SNTG2: variants seen among roughly 807,000 people sequenced by gnomAD.
SNTG2 encodes the protein gamma-2-syntrophin.
In SNTG2, 74 loss-of-function variants were observed where a neutral mutation model predicts 70.9. The observed-to-expected ratio is 1.04, with a 90% CI of 0.86 to 1.27. SNTG2 has a LOEUF of 1.27. Ranked by LOEUF, SNTG2 falls within the 50% of genes most tolerant of loss-of-function variation. SNTG2 has a pLI of 0.00. For synonymous variants in SNTG2, 278 were observed against 273.8 expected, an observed-to-expected ratio of 1.02 and a Z score of -0.15; for missense variants, 717 against 690.7, an observed-to-expected ratio of 1.04 and a Z score of -0.43.
At chr2:1,169,583 G>A (rs969246869) in intron 7 of SNTG2, among the ~76,000 whole-genome samples, 2 of 152,188 alleles carry the variant, frequency 1.3e-5, no homozygotes, top group African/African-American at 4.8e-5. Context: ...TCTAGTGCCT[G>A]AGCCTGTGGG....
At chr2:1,238,139 T>C (rs928642855) in intron 10 of SNTG2, 122 bp downstream of exon 10, 4 of 1,281,698 alleles carry the variant, frequency 3.1e-6, no homozygotes, top group Admixed American at 4.7e-5. Context: ...CTTGTTTCAA[T>C]GTGTCAAATC....
intron 8 of SNTG2, among the ~76,000 whole-genome samples, chr2:1,184,256 GC>G (rs1672110842): frequency 1.3e-5 from 2 of 152,104 alleles, no homozygotes; most frequent in African/African-American, 4.8e-5. Flanking sequence ...TTTAATTTAG[GC>G]CCCAAGTTAT....
chr2:1,083,738 G>A (rs1664500229), intron 2 of SNTG2, 83 bp downstream of exon 2: 1 of 1,494,286 alleles, frequency 6.7e-7, no homozygotes, highest in East Asian at 2.3e-5. Flanking sequence ...GTTCAAGAAT[G>A]ATTGCTGAGC....
chr2:1,239,656 C>T (rs866925361), intron 10 of SNTG2, 82 bp from the exon 11 acceptor site: 2 of 1,454,750 alleles, frequency 1.4e-6, no homozygotes, highest in African/African-American at 1.4e-5. Flanking sequence ...CAGAGCGTGG[C>T]TGATGACTTC....
intron 9 of SNTG2, among the ~76,000 whole-genome samples, chr2:1,216,948 TG>T (rs1657742576): frequency 6.6e-6 from 1 of 152,142 alleles, no homozygotes; most frequent in South Asian, 2.1e-4. Context: ...CCTGCTGCCA[TG>T]TGAAAAAGGG....
intron 11 of SNTG2, among the ~76,000 whole-genome samples, chr2:1,240,430 T>G (rs1275744673): frequency 6.6e-6 from 1 of 152,250 alleles, no homozygotes; most frequent in Non-Finnish European, 1.5e-5. Context: ...TTTAAGCCAC[T>G]GTGTTATTCT....
At chr2:1,111,054 A>G (rs1006800909) in intron 4 of SNTG2, among the ~76,000 whole-genome samples, 8 of 152,234 alleles carry the variant, frequency 5.3e-5, no homozygotes, top group African/African-American at 1.4e-4. Flanking sequence ...AGCTTTCCGT[A>G]AGAATGAAGG....
intron 9 of SNTG2, among the ~76,000 whole-genome samples, chr2:1,225,719 C>G (rs1208846942): frequency 6.6e-6 from 1 of 152,242 alleles, no homozygotes; most frequent in African/African-American, 2.4e-5. Context: ...TAAGCACCGT[C>G]TGGACTAAGA....
chr2:1,023,062 A>G (rs1660281489), intron 1 of SNTG2, among the ~76,000 whole-genome samples: 1 of 152,220 alleles, frequency 6.6e-6, no homozygotes, highest in African/African-American at 2.4e-5. Flanking sequence ...GACACCAGGA[A>G]AGAGGATTTT....
intron 1 of SNTG2, among the ~76,000 whole-genome samples, chr2:956,044 C>CCCCTGCCCCTGCCCCTACCCCTGA (rs1211648387): frequency 7.5e-6 from 1 of 134,148 alleles, no homozygotes; most frequent in Non-Finnish European, 1.5e-5. Flanking sequence ...CCTGCCCCTG[C>CCCCTGCCCCTGCCCCTACCCCTGA]CCCTGCCCCT....
At position 1,308,684 on chromosome 2, in the gene SNTG2, A is replaced by C. The variant is rs13418089; in HGVS notation, c.1377+98A>C. 3,528 of 995,214 alleles carry C rather than the reference A, an allele frequency of 3.5e-3. 74 individuals carry two copies. The African/African-American group carries it at 0.046, about 13-fold the overall frequency. The allele number at this position is 995,214 out of a possible 1,614,324, so 61.6% of individuals were successfully genotyped here. A position where few individuals can be genotyped will look rare whatever the true frequency, so the allele number is the denominator to read the frequency against. On this transcript the variant is annotated intron_variant, in intron 15 of 16. Transcript: ENST00000308624. ...CACGCATGTCTGGTAGAAGCCACCA[A>C]CCTTGCTGGATTGTGTATCGTGCAG...
intron 4 of SNTG2, among the ~76,000 whole-genome samples, chr2:1,126,129 A>G (rs1247271039): frequency 2.0e-5 from 3 of 152,174 alleles, no homozygotes; most frequent in Non-Finnish European, 4.4e-5. Flanking sequence ...CCTTAAAAAA[A>G]TCTCTCCACA....
In SNTG2 at chr2:1,247,418, C is replaced by A. The variant is rs1377283791; in HGVS notation, c.980C>A (p.Ser327Tyr). Residue 327 changes from serine (S) to tyrosine (Y), a missense_variant, in exon 12 of 17, where the codon TCC (serine) becomes TAC (tyrosine). Coordinates refer to ENST00000308624, the MANE Select transcript of SNTG2 (RefSeq NM_018968.4). Reference protein sequence around the residue: ...RPKFLALKGPSFYVFSTPPVS... With the variant: ...RPKFLALKGPYFYVFSTPPVS... ...AAGTTCCTAGCACTGAAGGGCCCGT[C>A]CTTCTACGTTTTCAGCACTCCTCCG... The A allele has an allele frequency of 6.2e-7, 1 of 1,613,574 alleles. No homozygotes were observed. Among genetic ancestry groups the A allele is most frequent in the African/African-American group, 1.3e-5 (1 of 74,928 alleles).
In SNTG2 at chr2:998,105, G is replaced by A. The variant is rs184976478; in HGVS notation, c.72+47037G>A. Among the ~76,000 whole-genome samples the A allele has an allele frequency of 3.1e-3, 476 of 152,224 alleles. 3 individuals carry two copies. Among genetic ancestry groups the A allele is most frequent in the Middle Eastern group, 0.014 (4 of 294 alleles). ...GCCATTGAAGGCACCTAAAAAGCCAGATGACTCTACACAACATACATTATA... is the reference window on the plus strand; with the variant it reads ...GCCATTGAAGGCACCTAAAAAGCCAAATGACTCTACACAACATACATTATA... On this transcript the variant is annotated intron_variant, in intron 1 of 16. Transcript: ENST00000308624.
At chr2:1,144,353 A>G (rs1246397187) in intron 6 of SNTG2, among the ~76,000 whole-genome samples, 1 of 152,214 alleles carries the variant, frequency 6.6e-6, no homozygotes, top group African/African-American at 2.4e-5. Flanking sequence ...AGCATCATCA[A>G]TCCACTGCAT....
chr2:957,055 A>G (rs1366456232), intron 1 of SNTG2, among the ~76,000 whole-genome samples: 2 of 152,204 alleles, frequency 1.3e-5, no homozygotes, highest in Non-Finnish European at 2.9e-5. Context: ...TTGCCTTTTT[A>G]CATGATTAAG....
Position 1,325,839 on chromosome 2 carries a change from A to AT in SNTG2, c.1488+9476dup, listed in dbSNP as rs989671402. Among the ~76,000 whole-genome samples, 130 of 147,242 alleles carry AT rather than the reference A, an allele frequency of 8.8e-4. 1 individual carries two copies. The highest frequency in any genetic ancestry group is 2.4e-3 in the East Asian group (12 of 5,070). ...GATAATATATACCTAGGCATATCAGATTTTTTTTTTTTGAGATGGAGTCTC... is the reference window on the plus strand; with the variant it reads ...GATAATATATACCTAGGCATATCAGATTTTTTTTTTTTTGAGATGGAGTCTC... On this transcript the variant is annotated intron_variant, in intron 16 of 16. Transcript: ENST00000308624.
chr2:1,057,115 C>G (rs916773645), intron 1 of SNTG2, among the ~76,000 whole-genome samples: 8 of 152,108 alleles, frequency 5.3e-5, no homozygotes, highest in South Asian at 2.1e-4. Flanking sequence ...CCAGGCCTGT[C>G]CTGCAAGCAG....
chr2:1,167,208 A>G (rs1670773006), intron 7 of SNTG2, among the ~76,000 whole-genome samples: 1 of 150,670 alleles, frequency 6.6e-6, no homozygotes, highest in Non-Finnish European at 1.5e-5. Flanking sequence ...CCGCCCACAG[A>G]TGGCGGAACT....
Sources: gnomAD v4.1 joint callset for allele counts (sites outside exome capture counted in the v4.1 genomes callset) on GRCh38, gnomAD v4.1.1 for gene constraint, MANE v1.5 for transcripts, NCBI Gene and HGNC (gene_info 2026-07-23, HGNC 2026-07-21) for gene names.